The following DSCAM variants were observed in gnomAD, a reference collection of about 807,000 sequenced individuals.
DSCAM encodes cell adhesion molecule DSCAM.
A neutral mutation model predicts 217.7 loss-of-function variants in DSCAM; 47 were observed. The ratio of observed to expected loss-of-function variants is 0.22; its 90% CI spans 0.17 to 0.28. The LOEUF is 0.28. Ranked by LOEUF, DSCAM falls within the 10% of genes least tolerant of loss-of-function variation. DSCAM has a pLI of 1.00. For missense variants in DSCAM, 2,080 were observed against 2,618.3 expected, an observed-to-expected ratio of 0.79 and a Z score of 4.49; for synonymous variants, 1,056 against 1,015.3, an observed-to-expected ratio of 1.04 and a Z score of -0.76.
intron 3 of DSCAM, among the ~76,000 whole-genome samples, chr21:40,575,408 A>G (rs1173564260): frequency 6.6e-6 from 1 of 152,128 alleles, no homozygotes; most frequent in Non-Finnish European, 1.5e-5. Flanking sequence ...GACGCGAATG[A>G]AACATATATA....
In DSCAM at chr21:40,588,117, T is replaced by C. The variant is rs541891683; in HGVS notation, c.508+104693A>G. On this transcript the variant is annotated intron_variant, in intron 3 of 32. Transcript: ENST00000400454. Reference sequence around the variant, plus strand: ...GGCATGGACTTAAAGGCGTTCCTGATCCACATGACTCAGGATTACAGCCAC... The same window carrying C: ...GGCATGGACTTAAAGGCGTTCCTGACCCACATGACTCAGGATTACAGCCAC... 6.4e-4 allele frequency among the ~76,000 whole-genome samples: 98 copies of C among 152,204 alleles called. 1 individual carries two copies. The South Asian group carries it at 0.02, about 31-fold the overall frequency.
intron 11 of DSCAM, among the ~76,000 whole-genome samples, chr21:40,258,887 T>C (rs2073409965): frequency 1.3e-5 from 2 of 152,230 alleles, no homozygotes. Context: ...GACACAGCAG[T>C]AGAGTGGACA....
chr21:40,135,318 G>A (rs985376019), intron 18 of DSCAM, among the ~76,000 whole-genome samples: 2 of 152,246 alleles, frequency 1.3e-5, no homozygotes, highest in Non-Finnish European at 2.9e-5. Context: ...TCCATATAGG[G>A]AGTGGATGTG....
In DSCAM at chr21:40,554,238, C is replaced by T. The variant is rs545775432; in HGVS notation, c.508+138572G>A. On this transcript the variant is annotated intron_variant, in intron 3 of 32. Coordinates refer to ENST00000400454, the MANE Select transcript of DSCAM (RefSeq NM_001389.5). ...TAATGCGACAAATTGTTGGATTAAA[C>T]GAATTAAAAACATTTTAGAACATAA... Among the ~76,000 whole-genome samples, 578 of 148,216 alleles carry T rather than the reference C, an allele frequency of 3.9e-3. 5 individuals are homozygous for T. The highest frequency in any genetic ancestry group is 0.013 in the African/African-American group (535 of 40,062).
rs2089408266 is a variant in DSCAM, at chr21:40,078,771, A to C, written c.4627T>G (p.Trp1543Gly). ...YILYDLQEAT[W>G]YELQMRVCNS... The stretch of plus-strand genomic sequence containing the variant: ...CACACCCGCATCTGCAGCTCATACC[A>C]GGTGGCTTCCTGCAGGTCATACAGG... Residue 1543 changes from tryptophan (W) to glycine (G), a missense_variant, in exon 26 of 33, where the codon TGG becomes GGG. Transcript: ENST00000400454. 6.2e-7 allele frequency: 1 copy of C among 1,614,092 alleles called. No individual in the cohort carries two copies. The highest frequency in any genetic ancestry group is 8.5e-7 in the Non-Finnish European group (1 of 1,180,046).
intron 5 of DSCAM, among the ~76,000 whole-genome samples, chr21:40,352,687 T>C (rs1219662592): frequency 6.6e-6 from 1 of 152,200 alleles, no homozygotes; most frequent in African/African-American, 2.4e-5. Flanking sequence ...AAAAGGAGCA[T>C]TATATTGGCA....
intron 13 of DSCAM, 118 bp from the exon 14 acceptor site, chr21:40,187,377 CT>C: frequency 7.6e-7 from 1 of 1,313,980 alleles, no homozygotes; most frequent in Non-Finnish European, 1.0e-6. Flanking sequence ...AGAACAGAAG[CT>C]TTTTATTTGG....
chr21:40,833,293 T>C (rs1004066992), intron 1 of DSCAM, among the ~76,000 whole-genome samples: 2 of 152,148 alleles, frequency 1.3e-5, no homozygotes, highest in Non-Finnish European at 2.9e-5. Context: ...AGTCCAGCCT[T>C]TGCCTGAGAG....
intron 16 of DSCAM, among the ~76,000 whole-genome samples, chr21:40,160,930 C>A (rs761849910): frequency 3.9e-5 from 6 of 152,202 alleles, no homozygotes; most frequent in Non-Finnish European, 7.3e-5. Context: ...AGTCCAAGTT[C>A]AATTTGTGTC....
intron 3 of DSCAM, among the ~76,000 whole-genome samples, chr21:40,636,051 G>C (rs539245007): frequency 6.6e-6 from 1 of 152,052 alleles, no homozygotes; most frequent in Non-Finnish European, 1.5e-5. Flanking sequence ...TTTTAAAAAC[G>C]TGATAAGAAG....
chr21:40,428,539 G>C (rs2075498979), intron 3 of DSCAM, among the ~76,000 whole-genome samples: 1 of 151,970 alleles, frequency 6.6e-6, no homozygotes, highest in African/African-American at 2.4e-5. Flanking sequence ...AAAAGTGCTG[G>C]GATTACAGGT....
chr21:40,218,810 G>A (rs1322606404), intron 11 of DSCAM, among the ~76,000 whole-genome samples: 1 of 152,068 alleles, frequency 6.6e-6, no homozygotes, highest in African/African-American at 2.4e-5. Context: ...TGGTATATAG[G>A]AATTAGTGAT....
chr21:40,113,261 C>T (rs953089138), intron 20 of DSCAM, among the ~76,000 whole-genome samples: 12 of 152,098 alleles, frequency 7.9e-5, no homozygotes, highest in South Asian at 2.1e-4. Context: ...GTTCAGCATA[C>T]GCAAATCAAT....
intron 3 of DSCAM, among the ~76,000 whole-genome samples, chr21:40,681,891 C>G (rs963040320): frequency 6.6e-6 from 1 of 152,172 alleles, no homozygotes; most frequent in African/African-American, 2.4e-5. Context: ...GAGCCAAGGA[C>G]CGCAGGCAAC....
At chr21:40,126,220 CA>C in intron 19 of DSCAM, among the ~76,000 whole-genome samples, 1 of 104,080 alleles carries the variant, frequency 9.6e-6, no homozygotes, top group African/African-American at 3.7e-5. Flanking sequence ...GAGGGAAGAA[CA>C]AAAGGAATGA....
At chr21:40,583,512 C>T (rs566564761) in intron 3 of DSCAM, among the ~76,000 whole-genome samples, 1 of 152,250 alleles carries the variant, frequency 6.6e-6, no homozygotes, top group Admixed American at 6.5e-5. Flanking sequence ...CCTGTCTCTT[C>T]CCACCCTCAC....
At chr21:40,250,276 G>T (rs1379132359) in intron 11 of DSCAM, among the ~76,000 whole-genome samples, 2 of 152,144 alleles carry the variant, frequency 1.3e-5, no homozygotes, top group Non-Finnish European at 1.5e-5. Flanking sequence ...CTTCTACATG[G>T]TAAGGAATTT....
At chr21:40,637,168 T>C (rs1195062090) in intron 3 of DSCAM, among the ~76,000 whole-genome samples, 2 of 38,036 alleles carry the variant, frequency 5.3e-5, no homozygotes, top group African/African-American at 2.1e-4. Context: ...TAAATATAAA[T>C]ATATATATAA....
chr21:40,102,269 T>C (rs766930391), intron 20 of DSCAM, among the ~76,000 whole-genome samples: 8 of 152,194 alleles, frequency 5.3e-5, no homozygotes, highest in Non-Finnish European at 8.8e-5. Context: ...AAAAAATATT[T>C]ATAGCAAGGT....
Sources: gnomAD v4.1 joint callset for allele counts (sites outside exome capture counted in the v4.1 genomes callset) on GRCh38, gnomAD v4.1.1 for gene constraint, MANE v1.5 for transcripts, NCBI Gene and HGNC (gene_info 2026-07-23, HGNC 2026-07-21) for gene names.